The following CYRIA variants were observed in gnomAD, a reference collection of about 807,000 sequenced individuals.
CYRIA encodes CYFIP related Rac1 interactor A.
CYRIA carries 15 observed loss-of-function variants against 43.9 expected under a neutral mutation model. The observed-to-expected ratio is 0.34, with a 90% CI of 0.23 to 0.53. CYRIA has a LOEUF of 0.53. Among genes scored for constraint, CYRIA ranks in the 20% least tolerant of loss-of-function variants. CYRIA has a pLI of 0.94. For missense variants in CYRIA, 236 were observed against 394.2 expected, an observed-to-expected ratio of 0.60 and a Z score of 3.40; for synonymous variants, 117 against 136.0, an observed-to-expected ratio of 0.86 and a Z score of 0.97.
At chr2:16,574,239 A>G (rs544408314) in intron 3 of CYRIA, among the ~76,000 whole-genome samples, 1 of 152,232 alleles carries the variant, frequency 6.6e-6, no homozygotes, top group African/African-American at 2.4e-5. Context: ...GAGAGAGATG[A>G]TTTAGGGTAT....
intron 1 of CYRIA, among the ~76,000 whole-genome samples, chr2:16,658,645 G>C (rs1237476407): frequency 1.3e-5 from 2 of 152,100 alleles, no homozygotes; most frequent in African/African-American, 4.8e-5. Context: ...AAAAGCCACT[G>C]GTCTCAGTTT....
intron 9 of CYRIA, 113 bp from the exon 10 acceptor site, chr2:16,559,699 G>T: frequency 8.4e-7 from 1 of 1,196,632 alleles, no homozygotes; most frequent in South Asian, 1.8e-5. Flanking sequence ...AACAATCCCA[G>T]ACCTGCAACA....
intron 3 of CYRIA, among the ~76,000 whole-genome samples, chr2:16,576,855 C>CT (rs1413408056): frequency 1.3e-5 from 2 of 152,096 alleles, no homozygotes; most frequent in Non-Finnish European, 2.9e-5. Flanking sequence ...GAAATCCTGC[C>CT]ATATGCAACA....
chr2:16,609,745 T>A (rs1668527160), intron 2 of CYRIA, among the ~76,000 whole-genome samples: 1 of 152,162 alleles, frequency 6.6e-6, no homozygotes, highest in African/African-American at 2.4e-5. Flanking sequence ...AATAAGGACA[T>A]CTTCCATGAC....
rs988432467 is a variant in CYRIA at position 16,623,896 on chromosome 2, A to G, written c.-43T>C. 6 of 152,356 alleles carry G rather than the reference A, an allele frequency of 3.9e-5. No homozygotes were observed. Among genetic ancestry groups the G allele is most frequent in the Admixed American group, 2.0e-4 (3 of 15,306 alleles). The allele number at this position is 152,356 out of a possible 1,614,324, so 9.4% of individuals were successfully genotyped here. On this transcript the variant is annotated 5_prime_UTR_variant, in exon 2 of 12. Transcript: ENST00000381323. ...TATCTCCTGTGATTCAGTTTCACCA[A>G]TCCAGGCTGATGGGATGAACCAGCT...
intron 1 of CYRIA, among the ~76,000 whole-genome samples, chr2:16,648,266 G>A (rs1431551422): frequency 6.7e-6 from 1 of 149,832 alleles, no homozygotes; most frequent in Non-Finnish European, 1.5e-5. Flanking sequence ...TCGGTTGTTT[G>A]TAAATTTAAG....
chr2:16,617,272 C>T lies in CYRIA; in HGVS notation c.-11+6592G>A, dbSNP rs2103500670. ...GAAACACTGGCCAAGTTGGTTTCAGCAGTCACGATTCTTCATAACTCCTCT... is the reference window on the plus strand; with the variant it reads ...GAAACACTGGCCAAGTTGGTTTCAGTAGTCACGATTCTTCATAACTCCTCT... On this transcript the variant is annotated intron_variant, in intron 2 of 11. Coordinates refer to ENST00000381323, the MANE Select transcript of CYRIA (RefSeq NM_030797.4). Among the ~76,000 whole-genome samples, 2 of 152,358 alleles carry T rather than the reference C, an allele frequency of 1.3e-5. 1 individual carries two copies. The highest frequency in any genetic ancestry group is 4.1e-4 in the South Asian group (2 of 4,832).
At chr2:16,587,431 A>G (rs1478072161) in intron 3 of CYRIA, among the ~76,000 whole-genome samples, 1 of 152,128 alleles carries the variant, frequency 6.6e-6, no homozygotes, top group Non-Finnish European at 1.5e-5. Context: ...ATGATCCTCT[A>G]TTTATGCTAG....
chr2:16,584,517 T>C (rs1667657859), intron 3 of CYRIA, among the ~76,000 whole-genome samples: 1 of 152,168 alleles, frequency 6.6e-6, no homozygotes, highest in African/African-American at 2.4e-5. Flanking sequence ...AATGTTCCCA[T>C]CTGCTCAGCT....
intron 2 of CYRIA, among the ~76,000 whole-genome samples, chr2:16,614,381 C>T (rs762405823): frequency 5.9e-5 from 9 of 152,196 alleles, no homozygotes; most frequent in African/African-American, 9.7e-5. Context: ...AACAAACAAA[C>T]GCACAAAGTT....
In CYRIA at chr2:16,642,683, C is replaced by A. The variant is rs552208319; in HGVS notation, c.-166-18664G>T. 1.2e-4 allele frequency among the ~76,000 whole-genome samples: 18 copies of A among 152,338 alleles called. No individual in the cohort carries two copies. In the South Asian group the frequency reaches 3.5e-3, roughly 30 times the overall value. ...ACCTCATCCACAGCTACTCTTCTTC[C>A]TTTGTTCTATCAGGTCCATCACATT... is the stretch of plus-strand genomic sequence containing the variant. On this transcript the variant is annotated intron_variant, in intron 1 of 11. Coordinates refer to ENST00000381323, the MANE Select transcript of CYRIA (RefSeq NM_030797.4).
At chr2:16,649,494 T>C (rs1300605068) in intron 1 of CYRIA, among the ~76,000 whole-genome samples, 2 of 151,512 alleles carry the variant, frequency 1.3e-5, no homozygotes, top group Admixed American at 6.6e-5. Context: ...AGTTGTACAG[T>C]ACAGGGCATG....
chr2:16,626,879 C>T (rs1362237941), intron 1 of CYRIA, among the ~76,000 whole-genome samples: 1 of 152,200 alleles, frequency 6.6e-6, no homozygotes, highest in East Asian at 1.9e-4. Flanking sequence ...CAGGAGTTTG[C>T]CCTTCTGTAG....
At chr2:16,625,158 G>C (rs1187511783) in intron 1 of CYRIA, among the ~76,000 whole-genome samples, 2 of 152,102 alleles carry the variant, frequency 1.3e-5, no homozygotes, top group Non-Finnish European at 2.9e-5. Flanking sequence ...TGGGGGTGGG[G>C]GATGGTGGTG....
chr2:16,572,181 C>T (rs149882792), intron 3 of CYRIA, among the ~76,000 whole-genome samples: 21 of 152,242 alleles, frequency 1.4e-4, no homozygotes, highest in Non-Finnish European at 1.5e-4. Context: ...GACCTCAGGG[C>T]AAGCCAAGTA....
chr2:16,569,509 T>G (rs1667054036), intron 3 of CYRIA, among the ~76,000 whole-genome samples: 1 of 152,216 alleles, frequency 6.6e-6, no homozygotes, highest in Non-Finnish European at 1.5e-5. Flanking sequence ...GTCATGAAAC[T>G]GAAGTCACCT....
chr2:16,561,000 G>C lies in CYRIA; in HGVS notation c.700C>G (p.Leu234Val), dbSNP rs2103410283. ...STMTSVCKVM[L>V]ETPEYRSRFT... ...TCTGATTTAACTTACGGAGTTTCCA[G>C]CATGACTTTACAGACACTTGTCATT... The change falls in exon 9 of 12, where the codon CTG (leucine) becomes GTG (valine). Residue 234 changes from leucine (L) to valine (V), a missense_variant. Coordinates refer to ENST00000381323, the MANE Select transcript of CYRIA (RefSeq NM_030797.4). 6.2e-7 allele frequency: 1 copy of C among 1,613,648 alleles called. No individual in the cohort carries two copies. Among genetic ancestry groups the C allele is most frequent in the East Asian group, 2.2e-5 (1 of 44,858 alleles).
intron 1 of CYRIA, among the ~76,000 whole-genome samples, chr2:16,636,311 G>A (rs1049803306): frequency 1.3e-5 from 2 of 152,114 alleles, no homozygotes; most frequent in East Asian, 3.9e-4. Context: ...AAGCCCAAGG[G>A]CCCAGAGCTA....
chr2:16,592,740 A>G (rs1667971602), intron 2 of CYRIA, among the ~76,000 whole-genome samples: 1 of 152,146 alleles, frequency 6.6e-6, no homozygotes, highest in Non-Finnish European at 1.5e-5. Context: ...CTTAGAAAAC[A>G]GAGGTTTCTC....
Sources: allele counts gnomAD v4.1 joint callset (sites outside exome capture counted in the v4.1 genomes callset), GRCh38; gene constraint gnomAD v4.1.1; transcripts MANE v1.5; gene names NCBI Gene and HGNC (gene_info 2026-07-23, HGNC 2026-07-21).